The following EXOC4 variants were observed in gnomAD, a reference collection of about 807,000 sequenced individuals.
EXOC4 encodes SEC8-like 1.
In EXOC4, 71 loss-of-function variants were observed where a neutral mutation model predicts 107.2. That is an observed-to-expected ratio of 0.66 (90% CI 0.55 to 0.81). The LOEUF (loss-of-function observed/expected upper bound fraction) is 0.81. EXOC4 is among the 30% of genes least tolerant of loss of function. EXOC4 has a pLI of 0.00. For synonymous variants in EXOC4, 456 were observed against 441.2 expected (o/e 1.03, Z -0.42); for missense variants, 1,108 against 1,189.6 (o/e 0.93, Z 1.01).
intron 1 of EXOC4, chr7:133,253,947 A>G (rs1481474513): frequency 6.6e-6 from 1 of 152,226 alleles, no homozygotes; most frequent in Non-Finnish European, 1.5e-5. Flanking sequence ...AATCTTGGAT[A>G]TGATGCAGGT....
intron 5 of EXOC4, among the ~76,000 whole-genome samples, chr7:133,355,526 A>G (rs532396558): frequency 2.1e-4 from 32 of 152,132 alleles, no homozygotes; most frequent in Non-Finnish European, 2.8e-4. Context: ...GAGATCTCCT[A>G]TCAGCAGTTC....
intron 9 of EXOC4, among the ~76,000 whole-genome samples, chr7:133,628,229 T>C (rs1236909176): frequency 6.6e-6 from 1 of 152,176 alleles, no homozygotes; most frequent in East Asian, 1.9e-4. Flanking sequence ...TTTATATTGA[T>C]TTATGCTAGA....
chr7:133,997,205 G>A (rs186183964), intron 14 of EXOC4, among the ~76,000 whole-genome samples: 313 of 152,294 alleles, frequency 2.1e-3, no homozygotes, highest in Non-Finnish European at 3.4e-3. Flanking sequence ...CAACTCTGAG[G>A]TTCTGTTTCT....
intron 6 of EXOC4, among the ~76,000 whole-genome samples, chr7:133,368,388 A>G (rs1192524574): frequency 1.3e-5 from 2 of 152,224 alleles, no homozygotes; most frequent in East Asian, 3.8e-4. Context: ...TATAAGCAGG[A>G]CTTTACTAAT....
chr7:133,258,211 A>AG (rs1795061807), intron 1 of EXOC4, among the ~76,000 whole-genome samples: 1 of 152,210 alleles, frequency 6.6e-6, no homozygotes, highest in African/African-American at 2.4e-5. Context: ...TGTGAACGTA[A>AG]GGGGCAACAC....
chr7:133,468,569 G>T (rs1437723116), intron 7 of EXOC4, among the ~76,000 whole-genome samples: 1 of 152,054 alleles, frequency 6.6e-6, no homozygotes, highest in African/African-American at 2.4e-5. Context: ...TTATAATTTG[G>T]TGGGTATATT....
chr7:133,569,773 A>C (rs1200676622), intron 9 of EXOC4, among the ~76,000 whole-genome samples: 1 of 152,164 alleles, frequency 6.6e-6, no homozygotes, highest in East Asian at 1.9e-4. Flanking sequence ...CATGAAGATG[A>C]ATATTATTCT....
At chr7:133,577,005 TTTA>T (rs1302511353) in intron 9 of EXOC4, 6 of 487,488 alleles carry the variant, frequency 1.2e-5, no homozygotes, top group African/African-American at 1.0e-4. Context: ...TCTGTTTTCA[TTTA>T]TTATTAAGTA....
intron 3 of EXOC4, among the ~76,000 whole-genome samples, chr7:133,301,313 G>C (rs1164281265): frequency 6.6e-6 from 1 of 152,216 alleles, no homozygotes; most frequent in Non-Finnish European, 1.5e-5. Flanking sequence ...TTATTGAATA[G>C]TTGAGACTGC....
At chr7:133,900,707 A>G (rs1244849621) in intron 12 of EXOC4, among the ~76,000 whole-genome samples, 2 of 152,120 alleles carry the variant, frequency 1.3e-5, no homozygotes, top group African/African-American at 4.8e-5. Flanking sequence ...AGAGGAAGGA[A>G]CAGATTAAGA....
At chr7:134,038,212 T>C (rs1381432394) in intron 17 of EXOC4, among the ~76,000 whole-genome samples, 1 of 152,216 alleles carries the variant, frequency 6.6e-6, no homozygotes, top group Non-Finnish European at 1.5e-5. Context: ...GAGAGGCATC[T>C]GCATCAGGCG....
chr7:133,931,243 T>C (rs1800168541), intron 13 of EXOC4, among the ~76,000 whole-genome samples: 1 of 152,196 alleles, frequency 6.6e-6, no homozygotes, highest in Admixed American at 6.5e-5. Context: ...GTTTTATTGT[T>C]CTAGAATTTA....
chr7:133,484,213 GT>G, intron 9 of EXOC4: 1 of 1,484,412 alleles, frequency 6.7e-7, no homozygotes, highest in South Asian at 1.3e-5. Flanking sequence ...TTTCTTTGGT[GT>G]TATCAATGCA....
chr7:133,399,063 A>G (rs542199370), intron 7 of EXOC4, among the ~76,000 whole-genome samples: 3 of 152,298 alleles, frequency 2.0e-5, no homozygotes, highest in Non-Finnish European at 2.9e-5. Context: ...TGTCAGTACT[A>G]TCCTCTGAAA....
intron 9 of EXOC4, among the ~76,000 whole-genome samples, chr7:133,531,376 A>C (rs1047306970): frequency 3.3e-5 from 5 of 152,190 alleles, no homozygotes; most frequent in African/African-American, 1.2e-4. Context: ...TGATGTAATA[A>C]ACCGTTTCAT....
At chr7:134,026,485 T>A (rs985084951) in intron 17 of EXOC4, among the ~76,000 whole-genome samples, 15 of 90,858 alleles carry the variant, frequency 1.7e-4, no homozygotes, top group African/African-American at 6.8e-4. Context: ...AAGAACATTT[T>A]CTAGAGAAAA....
intron 10 of EXOC4, among the ~76,000 whole-genome samples, chr7:133,735,498 G>A (rs1380665286): frequency 6.6e-6 from 1 of 151,862 alleles, no homozygotes; most frequent in Non-Finnish European, 1.5e-5. Flanking sequence ...TTATGTACCT[G>A]CCTCAGTTAA....
chr7:133,547,444 A>G (rs1050869834), intron 9 of EXOC4, among the ~76,000 whole-genome samples: 1 of 152,076 alleles, frequency 6.6e-6, no homozygotes, highest in Non-Finnish European at 1.5e-5. Flanking sequence ...CAATTTCTGG[A>G]AATAAGGTAA....
intron 13 of EXOC4, among the ~76,000 whole-genome samples, chr7:133,924,261 T>C (rs1800003162): frequency 6.6e-6 from 1 of 152,238 alleles, no homozygotes; most frequent in Admixed American, 6.5e-5. Context: ...AGAAAAATTA[T>C]TTTTTCCCAA....
Sources: gnomAD v4.1 joint callset for allele counts (sites outside exome capture counted in the v4.1 genomes callset) on GRCh38, gnomAD v4.1.1 for gene constraint, MANE v1.5 for transcripts, NCBI Gene and HGNC (gene_info 2026-07-23, HGNC 2026-07-21) for gene names.